Variants in ATP8B4 observed in about 807,000 individuals in gnomAD.
ATP8B4 encodes the protein ATPase phospholipid transporting 8B4 (putative).
A neutral mutation model predicts 145.6 loss-of-function variants in ATP8B4; 133 were observed. The observed-to-expected ratio is 0.91, with a 90% CI of 0.79 to 1.05. ATP8B4 has a LOEUF of 1.05. Ranked by LOEUF, ATP8B4 falls within the 50% of genes least tolerant of loss-of-function variation. ATP8B4 has a pLI of 0.00. For missense variants in ATP8B4, 1,458 were observed against 1,425.2 expected, an observed-to-expected ratio of 1.02 and a Z score of -0.37; for synonymous variants, 507 against 492.9, an observed-to-expected ratio of 1.03 and a Z score of -0.38.
intron 3 of ATP8B4, among the ~76,000 whole-genome samples, chr15:50,056,883 TTTC>T (rs1287363848): frequency 6.6e-6 from 1 of 151,946 alleles, no homozygotes; most frequent in Non-Finnish European, 1.5e-5. Context: ...TATAGATTAA[TTTC>T]TTTTTATTTT....
At chr15:50,176,663 C>T (rs1267909748) in intron 1 of ATP8B4, among the ~76,000 whole-genome samples, 2 of 152,064 alleles carry the variant, frequency 1.3e-5, no homozygotes, top group Non-Finnish European at 2.9e-5. Flanking sequence ...TGAAAAAATA[C>T]AAACCAAATC....
chr15:50,115,827 C>T (rs11853146), intron 1 of ATP8B4, among the ~76,000 whole-genome samples: 13,143 of 152,228 alleles, frequency 0.086, 625 homozygotes, highest in Middle Eastern at 0.15. Context: ...ACCGTTATCC[C>T]CATTTTATAG....
chr15:50,137,573 G>C (rs894755907), intron 1 of ATP8B4, among the ~76,000 whole-genome samples: 1 of 152,210 alleles, frequency 6.6e-6, no homozygotes, highest in Non-Finnish European at 1.5e-5. Flanking sequence ...TCTAAGATCT[G>C]AATCACTGTC....
At chr15:49,930,286 C>T (rs1426485175) in intron 16 of ATP8B4, among the ~76,000 whole-genome samples, 1 of 151,954 alleles carries the variant, frequency 6.6e-6, no homozygotes, top group African/African-American at 2.4e-5. Flanking sequence ...GTGTGCATTC[C>T]TGAGGGCCTT....
At chr15:50,085,241 C>A (rs1010990297) in intron 2 of ATP8B4, among the ~76,000 whole-genome samples, 2 of 152,124 alleles carry the variant, frequency 1.3e-5, no homozygotes, top group Non-Finnish European at 1.5e-5. Flanking sequence ...AGGAGTAGCA[C>A]TAGAAATGTG....
chr15:50,044,462 A>G (rs2051563460), intron 5 of ATP8B4, 132 bp downstream of exon 5: 5 of 570,792 alleles, frequency 8.8e-6, no homozygotes, highest in Non-Finnish European at 8.7e-6. Context: ...CATCAAACAA[A>G]TAGTAAAATA....
intron 2 of ATP8B4, among the ~76,000 whole-genome samples, chr15:50,102,268 C>CA (rs752457724): frequency 4.1e-4 from 61 of 148,352 alleles, no homozygotes; most frequent in Middle Eastern, 3.5e-3. Context: ...GAATTTGAAA[C>CA]AAAAAAAAAC....
chr15:49,960,884 G>A (rs2153506929), intron 14 of ATP8B4, among the ~76,000 whole-genome samples: 1 of 152,316 alleles, frequency 6.6e-6, no homozygotes, highest in Non-Finnish European at 1.5e-5. Context: ...TGTAATCCCA[G>A]CACTTTGGGA....
At chr15:50,010,118 C>T (rs1286654781) in intron 7 of ATP8B4, among the ~76,000 whole-genome samples, 1 of 152,024 alleles carries the variant, frequency 6.6e-6, no homozygotes, top group Non-Finnish European at 1.5e-5. Context: ...CAAAATAGCA[C>T]TCAACACAAA....
chr15:49,962,778 G>T (rs1376454760), intron 13 of ATP8B4, among the ~76,000 whole-genome samples: 2 of 152,022 alleles, frequency 1.3e-5, no homozygotes, highest in African/African-American at 4.8e-5. Flanking sequence ...CTATCAAATT[G>T]TTGTGAATCT....
intron 23 of ATP8B4, among the ~76,000 whole-genome samples, chr15:49,892,099 A>C (rs1340992812): frequency 6.6e-6 from 1 of 150,992 alleles, no homozygotes; most frequent in Non-Finnish European, 1.5e-5. Context: ...TTGGCAACAG[A>C]GCAAGACTCA....
At chr15:50,157,742 TCCC>T (rs2044441497) in intron 1 of ATP8B4, among the ~76,000 whole-genome samples, 1 of 30,364 alleles carries the variant, frequency 3.3e-5, no homozygotes, top group East Asian at 0.031. Context: ...CTTCTTCCTC[TCCC>T]TCTCCCTCTC....
chr15:49,982,554 T>C (rs1305169215), intron 10 of ATP8B4: 1 of 152,122 alleles, frequency 6.6e-6, no homozygotes, highest in South Asian at 2.1e-4. Flanking sequence ...TATTTGGTGC[T>C]GTAGGCTTAA....
At chr15:49,986,936 G>A (rs1407147552) in intron 10 of ATP8B4, among the ~76,000 whole-genome samples, 3 of 143,486 alleles carry the variant, frequency 2.1e-5, no homozygotes, top group African/African-American at 7.7e-5. Flanking sequence ...AAAAGCTATG[G>A]AGTATAAACA....
At chr15:50,076,813 G>A (rs1157557541) in intron 2 of ATP8B4, among the ~76,000 whole-genome samples, 1 of 152,132 alleles carries the variant, frequency 6.6e-6, no homozygotes. Flanking sequence ...ATTAAGTTCT[G>A]CAAAATACTG....
intron 12 of ATP8B4, among the ~76,000 whole-genome samples, chr15:49,973,298 C>CAAA (rs1330064885): frequency 6.6e-6 from 1 of 152,158 alleles, no homozygotes; most frequent in East Asian, 1.9e-4. Flanking sequence ...GGTTTGCACT[C>CAAA]CTTTGAGAAT....
chr15:49,886,016 T>C (rs1463667947), intron 23 of ATP8B4: 1 of 152,220 alleles, frequency 6.6e-6, no homozygotes, highest in Non-Finnish European at 1.5e-5. Flanking sequence ...GAGTGGCTTC[T>C]GGACCACTCA....
At chr15:50,157,880 C>G (rs1009147456) in intron 1 of ATP8B4, among the ~76,000 whole-genome samples, 3 of 151,986 alleles carry the variant, frequency 2.0e-5, no homozygotes, top group African/African-American at 4.8e-5. Context: ...TCAGCCTGCC[C>G]AGTGCCTGCG....
At chr15:50,163,222 G>T (rs976012183) in intron 1 of ATP8B4, among the ~76,000 whole-genome samples, 2 of 152,182 alleles carry the variant, frequency 1.3e-5, no homozygotes, top group Non-Finnish European at 2.9e-5. Flanking sequence ...GGTATTTATT[G>T]TAGTCTTCAT....
Sources: allele counts gnomAD v4.1 joint callset (sites outside exome capture counted in the v4.1 genomes callset), GRCh38; gene constraint gnomAD v4.1.1; transcripts MANE v1.5; gene names NCBI Gene and HGNC (gene_info 2026-07-23, HGNC 2026-07-21).